Variants in ATXN1 observed in about 807,000 individuals in gnomAD.
The protein encoded by ATXN1 is ataxin 1.
In ATXN1, 8 loss-of-function variants were observed where a neutral mutation model predicts 56.4. The observed-to-expected ratio is 0.14, with a 90% confidence interval of 0.08 to 0.26. The LOEUF (loss-of-function observed/expected upper bound fraction) is 0.26, where lower values mean the gene tolerates loss of function less well. ATXN1 is among the 10% of genes least tolerant of loss of function. The probability of loss-of-function intolerance (pLI) is 1.00; values close to 1 mark genes in which losing one functional copy is unlikely to be tolerated. For synonymous variants in ATXN1, 514 were observed against 494.6 expected, an observed-to-expected ratio of 1.04 and a Z score of -0.52; for missense variants, 987 against 1,106.5, an observed-to-expected ratio of 0.89 and a Z score of 1.53.
intron 6 of ATXN1, among the ~76,000 whole-genome samples, chr6:16,378,572 T>TATTTATTTATTC (rs1251754728): frequency 1.3e-3 from 187 of 147,850 alleles, no homozygotes; most frequent in African/African-American, 4.4e-3. Flanking sequence ...TTTATTTATT[T>TATTTATTTATTC]ATTTAGAGAC....
At chr6:16,656,496 A>AT (rs753733974) in intron 3 of ATXN1, among the ~76,000 whole-genome samples, 4 of 147,962 alleles carry the variant, frequency 2.7e-5, no homozygotes, top group East Asian at 1.9e-4. Flanking sequence ...AACGGGGTTG[A>AT]TAAAAAAAAA....
chr6:16,704,877 C>T (rs969445307), intron 2 of ATXN1, among the ~76,000 whole-genome samples: 4 of 152,194 alleles, frequency 2.6e-5, no homozygotes, highest in African/African-American at 9.7e-5. Flanking sequence ...CTTTTCCTGC[C>T]CTGCTCTCTA....
intron 2 of ATXN1, among the ~76,000 whole-genome samples, chr6:16,751,445 T>C (rs779194241): frequency 7.2e-5 from 11 of 152,244 alleles, no homozygotes; most frequent in Non-Finnish European, 1.3e-4. Flanking sequence ...TCTTCCCTCC[T>C]CCACCTTGTC....
chr6:16,578,246 A>G (rs1762460457), intron 4 of ATXN1, among the ~76,000 whole-genome samples: 2 of 152,176 alleles, frequency 1.3e-5, no homozygotes, highest in Non-Finnish European at 2.9e-5. Context: ...ATTCCCTGGA[A>G]TCTTCCTTTT....
chr6:16,436,957 T>C (rs1180760888), intron 6 of ATXN1, among the ~76,000 whole-genome samples: 1 of 151,998 alleles, frequency 6.6e-6, no homozygotes, highest in East Asian at 1.9e-4. Flanking sequence ...ACCAGCAGAA[T>C]TGTGTAGGAG....
intron 3 of ATXN1, among the ~76,000 whole-genome samples, chr6:16,650,835 T>C (rs754439256): frequency 1.2e-4 from 19 of 152,258 alleles, no homozygotes; most frequent in Non-Finnish European, 7.3e-5. Flanking sequence ...TTCCTTTTTC[T>C]GTCTATAAAT....
At chr6:16,557,740 G>A (rs1762040594) in intron 4 of ATXN1, among the ~76,000 whole-genome samples, 1 of 152,196 alleles carries the variant, frequency 6.6e-6, no homozygotes, top group South Asian at 2.1e-4. Context: ...CTGCACTTTA[G>A]TGGGAGGAAG....
chr6:16,464,384 T>C (rs539465004), intron 6 of ATXN1, among the ~76,000 whole-genome samples: 145 of 152,068 alleles, frequency 9.5e-4, no homozygotes, highest in African/African-American at 3.3e-3. Context: ...AAATGGAACA[T>C]GGGCAGGGAC....
In ATXN1 at chr6:16,761,354, A is replaced by G. The variant is rs745837563; in HGVS notation, c.-786T>C. 1 of 456,116 alleles carries G rather than the reference A, an allele frequency of 2.2e-6. No individual in the cohort carries two copies. Among genetic ancestry groups the G allele is most frequent in the South Asian group, 1.5e-5 (1 of 64,524 alleles). 28.3% of individuals were successfully genotyped at this position (456,116 alleles called of 1,614,324 possible). On this transcript the variant is annotated 5_prime_UTR_variant, in exon 1 of 8. Transcript: ENST00000436367. ...GGGAAGGGGGGGCAGAGGGAGAGAA[A>G]CAATGTCTTGCGGCTGCTGTTGCTC... is the stretch of plus-strand genomic sequence containing the variant.
At chr6:16,520,546 C>A (rs1344453315) in intron 5 of ATXN1, among the ~76,000 whole-genome samples, 1 of 152,162 alleles carries the variant, frequency 6.6e-6, no homozygotes, top group African/African-American at 2.4e-5. Flanking sequence ...CCCAAAGAAT[C>A]CTATGATGTA....
At chr6:16,597,477 C>T (rs1415087493) in intron 3 of ATXN1, among the ~76,000 whole-genome samples, 2 of 146,732 alleles carry the variant, frequency 1.4e-5, no homozygotes, top group African/African-American at 5.0e-5. Context: ...CTTGCTCTGT[C>T]ACCCAGGCTG....
At chr6:16,689,161 C>G (rs957989539) in intron 2 of ATXN1, among the ~76,000 whole-genome samples, 4 of 152,042 alleles carry the variant, frequency 2.6e-5, no homozygotes, top group Non-Finnish European at 4.4e-5. Context: ...TTGGATGGAG[C>G]TGGTGAGTCA....
intron 2 of ATXN1, among the ~76,000 whole-genome samples, chr6:16,676,038 T>G (rs976641348): frequency 2.0e-5 from 3 of 152,212 alleles, no homozygotes; most frequent in Non-Finnish European, 4.4e-5. Context: ...TGCTGCATTA[T>G]GAATGAAAAC....
At chr6:16,529,490 T>C (rs949637604) in intron 4 of ATXN1, among the ~76,000 whole-genome samples, 5 of 152,174 alleles carry the variant, frequency 3.3e-5, no homozygotes, top group Non-Finnish European at 7.3e-5. Context: ...TTACTTTAGT[T>C]ATCAAAGTGT....
intron 5 of ATXN1, among the ~76,000 whole-genome samples, chr6:16,503,906 T>C (rs4712287): frequency 0.16 from 24,775 of 152,174 alleles, 2,122 homozygotes; most frequent in Admixed American, 0.2. Flanking sequence ...ACGTTCACAA[T>C]GATGCACAAC....
intron 2 of ATXN1, among the ~76,000 whole-genome samples, chr6:16,736,227 A>T (rs1256868525): frequency 6.6e-6 from 1 of 152,244 alleles, no homozygotes; most frequent in Non-Finnish European, 1.5e-5. Flanking sequence ...TCAAAGTATT[A>T]AGAATATGCC....
At chr6:16,402,079 A>G (rs930292292) in intron 6 of ATXN1, among the ~76,000 whole-genome samples, 3 of 152,026 alleles carry the variant, frequency 2.0e-5, no homozygotes, top group Non-Finnish European at 4.4e-5. Flanking sequence ...TACCACGAGA[A>G]CAGCATGGGA....
chr6:16,734,130 T>C (rs1272769974), intron 2 of ATXN1, among the ~76,000 whole-genome samples: 1 of 152,140 alleles, frequency 6.6e-6, no homozygotes, highest in African/African-American at 2.4e-5. Flanking sequence ...GAGTTAAGAT[T>C]TGTGAATTAT....
chr6:16,742,845 T>G (rs1456941393), intron 2 of ATXN1, among the ~76,000 whole-genome samples: 1 of 152,200 alleles, frequency 6.6e-6, no homozygotes, highest in Admixed American at 6.5e-5. Flanking sequence ...TAAGCAGTTC[T>G]CCTTTCCATG....
Sources: gnomAD v4.1 joint callset for allele counts (sites outside exome capture counted in the v4.1 genomes callset) on GRCh38, gnomAD v4.1.1 for gene constraint, MANE v1.5 for transcripts, NCBI Gene and HGNC (gene_info 2026-07-23, HGNC 2026-07-21) for gene names.